Variants in KMT2C observed in about 807,000 individuals in gnomAD.
KMT2C encodes the protein lysine methyltransferase 2C, also known as histone-lysine N-methyltransferase 2C.
In KMT2C, 88 loss-of-function variants were observed where a neutral mutation model predicts 507.9. The observed-to-expected ratio is 0.17, with a 90% CI of 0.15 to 0.21. The LOEUF (loss-of-function observed/expected upper bound fraction) is 0.21, where lower values mean the gene tolerates loss of function less well. Among genes scored for constraint, KMT2C ranks in the 10% least tolerant of loss-of-function variants. KMT2C has a pLI of 1.00. For missense variants in KMT2C, 4,954 were observed against 5,957.8 expected (o/e 0.83, Z 5.55); for synonymous variants, 2,049 against 2,080.8 (o/e 0.98, Z 0.42).
chr7:152,183,899 A>AAAAAAG (rs1173318598), intron 34 of KMT2C, among the ~76,000 whole-genome samples: 5 of 150,534 alleles, frequency 3.3e-5, no homozygotes, highest in South Asian at 2.1e-4. Flanking sequence ...TCTGTCTCAA[A>AAAAAAG]AAAAAGAAAA....
intron 49 of KMT2C, 73 bp from the exon 50 acceptor site, chr7:152,151,654 G>T: frequency 7.7e-7 from 1 of 1,294,512 alleles, no homozygotes; most frequent in Non-Finnish European, 1.1e-6. Context: ...GAAAAATTAT[G>T]CAGTATCAAC....
intron 2 of KMT2C, among the ~76,000 whole-genome samples, chr7:152,331,462 A>T (rs2096881784): frequency 6.6e-6 from 1 of 151,812 alleles, no homozygotes; most frequent in Admixed American, 6.6e-5. Context: ...ACAAAAAATT[A>T]GCTAAGCATA....
intron 1 of KMT2C, among the ~76,000 whole-genome samples, chr7:152,362,878 G>A (rs933559647): frequency 9.9e-5 from 15 of 151,918 alleles, no homozygotes; most frequent in Non-Finnish European, 2.1e-4. Context: ...CTTGGTTTTG[G>A]CACTAGGAAG....
intron 36 of KMT2C, 37 bp downstream of exon 36, chr7:152,180,670 CAAAT>C (rs2093404306): frequency 7.0e-7 from 1 of 1,436,646 alleles, no homozygotes; most frequent in South Asian, 1.3e-5. Context: ...ACAGCTTCCT[CAAAT>C]AATACATTTA....
At chr7:152,422,230 T>A (rs1045895797) in intron 1 of KMT2C, among the ~76,000 whole-genome samples, 2 of 147,710 alleles carry the variant, frequency 1.4e-5, no homozygotes, top group African/African-American at 5.0e-5. Context: ...GTGGATCACC[T>A]GAGGTCAGTA....
chr7:152,242,379 A>G (rs1306960130), intron 14 of KMT2C, among the ~76,000 whole-genome samples: 1 of 152,202 alleles, frequency 6.6e-6, no homozygotes, highest in Non-Finnish European at 1.5e-5. Context: ...GAATTTCTTC[A>G]CTTAAAAAAA....
intron 28 of KMT2C, 88 bp downstream of exon 28, chr7:152,195,819 C>T: frequency 4.4e-6 from 3 of 682,672 alleles, no homozygotes. Context: ...TACTGGGAAA[C>T]AGACAAAAGG....
chr7:152,237,506 G>C (rs2095300913), intron 15 of KMT2C, among the ~76,000 whole-genome samples: 1 of 151,940 alleles, frequency 6.6e-6, no homozygotes, highest in South Asian at 2.1e-4. Flanking sequence ...TTTTTTGTTT[G>C]TTTATTTTTG....
intron 6 of KMT2C, among the ~76,000 whole-genome samples, chr7:152,299,233 G>A (rs1286130613): frequency 3.3e-5 from 5 of 151,896 alleles, no homozygotes; most frequent in African/African-American, 7.2e-5. Context: ...CAGGAGAATC[G>A]CTTGAACCCA....
chr7:152,301,956 A>G (rs1183653354), intron 6 of KMT2C, among the ~76,000 whole-genome samples: 1 of 152,218 alleles, frequency 6.6e-6, no homozygotes, highest in Admixed American at 6.5e-5. Flanking sequence ...AATTACATTT[A>G]GAAGTTTAAA....
intron 40 of KMT2C, 70 bp from the exon 41 acceptor site, chr7:152,169,319 GA>G (rs1324363579): frequency 1.2e-6 from 1 of 806,380 alleles, no homozygotes; most frequent in South Asian, 1.6e-5. Flanking sequence ...AACTTTAAAA[GA>G]AAGAAAGAAA....
At chr7:152,259,584 C>T (rs2095733134) in intron 9 of KMT2C, among the ~76,000 whole-genome samples, 1 of 151,882 alleles carries the variant, frequency 6.6e-6, no homozygotes, top group African/African-American at 2.4e-5. Flanking sequence ...TTATTTTCTC[C>T]AACTTTTAGA....
rs749178364 is a variant in KMT2C, at chr7:152,163,260, A to T, written c.10317T>A (p.Ser3439=). 3.5e-5 allele frequency: 56 copies of T among 1,614,070 alleles called. 2 individuals carry two copies. In the South Asian group the frequency reaches 5.8e-4, roughly 17 times the overall value. The change falls in exon 43 of 59, where the codon TCT becomes TCA. Residue 3439 remains serine, a synonymous_variant. Transcript: ENST00000262189. ...MEMEQHGMVG[S]EISSSRTSVS... is the part of the protein sequence containing the mutation. ...CAGATGTCCTACTACTACTTATCTC[A>T]GAGCCCACCATACCATGCTGCTCCA...
intron 9 of KMT2C, among the ~76,000 whole-genome samples, chr7:152,256,153 G>A (rs1323514697): frequency 1.3e-5 from 2 of 152,142 alleles, no homozygotes; most frequent in Admixed American, 6.5e-5. Context: ...CTGAGCGACA[G>A]AGTGAAACTC....
At chr7:152,183,883 C>G (rs2093522848) in intron 34 of KMT2C, among the ~76,000 whole-genome samples, 1 of 143,638 alleles carries the variant, frequency 7.0e-6, no homozygotes, top group African/African-American at 2.6e-5. Flanking sequence ...GCAACAAGAG[C>G]AAAACTCTGT....
intron 43 of KMT2C, among the ~76,000 whole-genome samples, chr7:152,159,643 T>A (rs2092325713): frequency 6.6e-6 from 1 of 152,182 alleles, no homozygotes; most frequent in Non-Finnish European, 1.5e-5. Flanking sequence ...TGAAAAATAA[T>A]GGCCACATAC....
chr7:152,287,136 G>C (rs1255350882), intron 6 of KMT2C, among the ~76,000 whole-genome samples: 1 of 152,106 alleles, frequency 6.6e-6, no homozygotes, highest in Non-Finnish European at 1.5e-5. Context: ...TAGAGTGTGG[G>C]TGGAAAAAAA....
At chr7:152,228,804 G>A (rs1229763267) in intron 18 of KMT2C, among the ~76,000 whole-genome samples, 1 of 152,114 alleles carries the variant, frequency 6.6e-6, no homozygotes, top group African/African-American at 2.4e-5. Flanking sequence ...CATGTTTTAT[G>A]CATATATAAC....
At chr7:152,212,620 G>GA (rs897393946) in intron 23 of KMT2C, among the ~76,000 whole-genome samples, 12 of 148,502 alleles carry the variant, frequency 8.1e-5, no homozygotes, top group South Asian at 6.4e-4. Flanking sequence ...ATAATGATCT[G>GA]AAAAAAAAAT....
Sources: allele counts gnomAD v4.1 joint callset (sites outside exome capture counted in the v4.1 genomes callset), GRCh38; gene constraint gnomAD v4.1.1; transcripts MANE v1.5; gene names NCBI Gene and HGNC (gene_info 2026-07-23, HGNC 2026-07-21).